The following DSCAM variants were observed in gnomAD, a reference collection of about 807,000 sequenced individuals.
DSCAM encodes the protein cell adhesion molecule DSCAM.
In DSCAM, 47 loss-of-function variants were observed where a neutral mutation model predicts 217.7. The ratio of observed to expected loss-of-function variants is 0.22; its 90% CI spans 0.17 to 0.28. The LOEUF is 0.28. Ranked by LOEUF, DSCAM falls within the 10% of genes least tolerant of loss-of-function variation. The pLI is 1.00. For synonymous variants in DSCAM, 1,056 were observed against 1,015.3 expected (o/e 1.04, Z -0.76); for missense variants, 2,080 against 2,618.3 (o/e 0.79, Z 4.49).
chr21:40,506,862 T>C (rs2076213957), intron 3 of DSCAM, among the ~76,000 whole-genome samples: 3 of 152,198 alleles, frequency 2.0e-5, no homozygotes, highest in Admixed American at 2.0e-4. Flanking sequence ...ATTGGTCTAG[T>C]GGTAATCAAA....
At chr21:40,336,027 CAT>C (rs374027113) in intron 8 of DSCAM, among the ~76,000 whole-genome samples, 323 of 152,260 alleles carry the variant, frequency 2.1e-3, no homozygotes, top group African/African-American at 7.4e-3. Flanking sequence ...AAGCAGGAAA[CAT>C]AACAGTTTTA....
At chr21:40,204,798 T>C (rs975023971) in intron 11 of DSCAM, among the ~76,000 whole-genome samples, 2 of 152,192 alleles carry the variant, frequency 1.3e-5, no homozygotes, top group Non-Finnish European at 2.9e-5. Flanking sequence ...TTCGAGTAAA[T>C]GCCAACACAA....
intron 3 of DSCAM, among the ~76,000 whole-genome samples, chr21:40,493,439 T>C (rs2076091842): frequency 6.6e-6 from 1 of 152,216 alleles, no homozygotes; most frequent in African/African-American, 2.4e-5. Context: ...TCTAATACTG[T>C]AATGGTAGTA....
At chr21:40,109,301 GA>G (rs138049320) in intron 20 of DSCAM, among the ~76,000 whole-genome samples, 18,591 of 152,114 alleles carry the variant, frequency 0.12, 1,247 homozygotes, top group Non-Finnish European at 0.16. Flanking sequence ...AAATTTACAA[GA>G]AAAAAATAAA....
chr21:40,357,826 C>T (rs894392874), intron 4 of DSCAM, among the ~76,000 whole-genome samples: 2 of 150,402 alleles, frequency 1.3e-5, no homozygotes, highest in Non-Finnish European at 2.9e-5. Context: ...CGAACCTGCA[C>T]GTTGTGCACA....
chr21:40,142,695 T>C lies in DSCAM; in HGVS notation c.3269A>G (p.Tyr1090Cys), dbSNP rs752779670. The C allele has an allele frequency of 1.2e-6, 2 of 1,612,662 alleles. No homozygotes were observed. The highest frequency in any genetic ancestry group is 2.7e-5 in the African/African-American group (2 of 74,964). Residue 1090 changes from tyrosine (Y) to cysteine (C), a missense_variant, in exon 18 of 33, where the codon TAC becomes TGC. Transcript: ENST00000400454. The part of the protein sequence containing the change: ...ITTTLEDVPS[Y>C]PPENVQAIAT... The stretch of plus-strand genomic sequence containing the variant: ...TATGGCTTGGACATTTTCGGGGGGG[T>C]AACTGGGCACTGAAATCAAATAATT...
At chr21:40,048,516 C>T (rs918928709) in intron 30 of DSCAM, among the ~76,000 whole-genome samples, 5 of 152,186 alleles carry the variant, frequency 3.3e-5, no homozygotes, top group African/African-American at 9.7e-5. Flanking sequence ...TGATTTCTTC[C>T]ATCCTCATAA....
chr21:40,768,709 C>T (rs2091418088), intron 1 of DSCAM, among the ~76,000 whole-genome samples: 1 of 152,170 alleles, frequency 6.6e-6, no homozygotes, highest in Non-Finnish European at 1.5e-5. Flanking sequence ...GCACTCAGAC[C>T]TCCTGATGTG....
At chr21:40,507,516 T>G (rs919057795) in intron 3 of DSCAM, among the ~76,000 whole-genome samples, 1 of 152,130 alleles carries the variant, frequency 6.6e-6, no homozygotes, top group Non-Finnish European at 1.5e-5. Context: ...TACAGCTGGA[T>G]GTGGTGACTC....
chr21:40,239,226 C>A (rs1016257135), intron 11 of DSCAM, among the ~76,000 whole-genome samples: 1 of 152,150 alleles, frequency 6.6e-6, no homozygotes, highest in South Asian at 2.1e-4. Flanking sequence ...TAGCAAAGAA[C>A]AGGAAAATTA....
At chr21:40,364,248 A>T (rs1235128182) in intron 4 of DSCAM, among the ~76,000 whole-genome samples, 1 of 152,192 alleles carries the variant, frequency 6.6e-6, no homozygotes, top group Non-Finnish European at 1.5e-5. Context: ...TTGAGGCATT[A>T]TTCACAATAG....
At chr21:40,836,315 C>G (rs2092055933) in intron 1 of DSCAM, among the ~76,000 whole-genome samples, 1 of 152,154 alleles carries the variant, frequency 6.6e-6, no homozygotes, top group Non-Finnish European at 1.5e-5. Context: ...AAAGCACAAG[C>G]ATTTATAAAC....
At chr21:40,183,320 C>T (rs1298545475) in intron 14 of DSCAM, among the ~76,000 whole-genome samples, 1 of 152,138 alleles carries the variant, frequency 6.6e-6, no homozygotes, top group East Asian at 1.9e-4. Context: ...GCAGTAGTCC[C>T]TGGGAATCAG....
chr21:40,032,290 C>T (rs2088541340), intron 32 of DSCAM, among the ~76,000 whole-genome samples: 1 of 152,078 alleles, frequency 6.6e-6, no homozygotes, highest in South Asian at 2.1e-4. Flanking sequence ...GCCTAAAGGC[C>T]AGGGAAGATT....
intron 1 of DSCAM, among the ~76,000 whole-genome samples, chr21:40,822,434 C>A (rs1439215557): frequency 2.7e-5 from 4 of 148,054 alleles, no homozygotes; most frequent in African/African-American, 1.0e-4. Context: ...GCTTATATTA[C>A]CTCTGTTTTT....
At chr21:40,692,691 C>T in intron 3 of DSCAM, 119 bp downstream of exon 3, 1 of 1,271,372 alleles carries the variant, frequency 7.9e-7, no homozygotes, top group East Asian at 2.3e-5. Flanking sequence ...TAGCATCAGC[C>T]TTAAGAATAC....
intron 3 of DSCAM, among the ~76,000 whole-genome samples, chr21:40,690,723 T>C (rs922454364): frequency 6.6e-6 from 1 of 152,226 alleles, no homozygotes; most frequent in Non-Finnish European, 1.5e-5. Context: ...AAATAAAGTC[T>C]GTTCACAGAG....
In DSCAM at chr21:40,031,897, G is replaced by A. The variant is rs565904510; in HGVS notation, c.5686+10474C>T. 3.1e-4 allele frequency among the ~76,000 whole-genome samples: 47 copies of A among 152,306 alleles called. No homozygotes were observed. The Middle Eastern group carries it at 0.014, about 44-fold the overall frequency. ...ATGGCTTCCTGCTGCTCTCACAGTA[G>A]AGACTTACTAGCGTCTGAGGGGTCA... On this transcript the variant is annotated intron_variant, in intron 32 of 32. Coordinates refer to ENST00000400454, the MANE Select transcript of DSCAM (RefSeq NM_001389.5).
chr21:40,607,370 T>A (rs1413445781), intron 3 of DSCAM, among the ~76,000 whole-genome samples: 1 of 152,032 alleles, frequency 6.6e-6, no homozygotes, highest in Non-Finnish European at 1.5e-5. Flanking sequence ...GGATCCAAAT[T>A]TCATATGCCT....
Sources: gnomAD v4.1 joint callset for allele counts (sites outside exome capture counted in the v4.1 genomes callset) on GRCh38, gnomAD v4.1.1 for gene constraint, MANE v1.5 for transcripts, NCBI Gene and HGNC (gene_info 2026-07-23, HGNC 2026-07-21) for gene names.